The following URB1 variants were observed in gnomAD, a reference collection of about 807,000 sequenced individuals.
URB1 encodes the protein URB1 ribosome biogenesis factor, also known as nucleolar pre-ribosomal-associated protein 1.
Under a neutral mutation model 242.3 loss-of-function variants are expected in URB1, and 197 were observed. That is an observed-to-expected ratio of 0.81 (90% CI 0.72 to 0.91). The LOEUF (loss-of-function observed/expected upper bound fraction) is 0.91. Among genes scored for constraint, URB1 ranks in the 40% least tolerant of loss-of-function variants. URB1 has a pLI of 0.00. For synonymous variants in URB1, 1,153 were observed against 1,201.8 expected, an observed-to-expected ratio of 0.96 and a Z score of 0.84; for missense variants, 2,721 against 2,860.5, an observed-to-expected ratio of 0.95 and a Z score of 1.11.
In URB1 at chr21:32,311,628, T is replaced by C. The variant is rs2032574426; in HGVS notation, c.*3290A>G. 1 of 1,594,308 alleles carries C rather than the reference T, an allele frequency of 6.3e-7. No individual in the cohort carries two copies. Among genetic ancestry groups the C allele is most frequent in the African/African-American group, 1.3e-5 (1 of 74,724 alleles). Reference sequence around the variant, plus strand: ...GGCAGGAAACCCCCCAGCCCCACAGTATGGACTGTTCTGCAGCAACTATGA... The same window carrying C: ...GGCAGGAAACCCCCCAGCCCCACAGCATGGACTGTTCTGCAGCAACTATGA... On this transcript the variant is annotated 3_prime_UTR_variant, in exon 39 of 39. Transcript: ENST00000382751.
At chr21:32,333,503 G>A in intron 29 of URB1, 84 bp from the exon 30 acceptor site, 1 of 1,078,178 alleles carries the variant, frequency 9.3e-7, no homozygotes, top group East Asian at 2.6e-5. Context: ...TGAAACACCT[G>A]GGATCAGAAA....
At chr21:32,315,274 T>C (rs1017656756) in intron 38 of URB1, among the ~76,000 whole-genome samples, 175 bp from the exon 39 acceptor site, 2 of 151,754 alleles carry the variant, frequency 1.3e-5, no homozygotes, top group Non-Finnish European at 2.9e-5. Flanking sequence ...TGCTTAACTT[T>C]TGTGTTAATC....
chr21:32,316,109 GCA>G (rs1169221213), intron 38 of URB1, among the ~76,000 whole-genome samples: 2 of 152,234 alleles, frequency 1.3e-5, no homozygotes, highest in African/African-American at 4.8e-5. Context: ...GCACGCACGC[GCA>G]CACACAGCTG....
In URB1 at chr21:32,320,612, G is replaced by A. The variant is rs1448818205; in HGVS notation, c.5513C>T (p.Ala1838Val). Reference protein sequence around the residue: ...QNWILEILQNAAQVARSAYEI... With the variant: ...QNWILEILQNVAQVARSAYEI... ...ATACGCAGATCTGGCAACCTGGGCA[G>A]CATTCTGTAGAATTTCCAGAATCCA... Residue 1838 changes from alanine (A) to valine (V), a missense_variant, in exon 35 of 39, where the codon GCT becomes GTT. Physicochemically the swap from Ala to Val is moderately conservative, Grantham distance 64. Transcript: ENST00000382751. The A allele has an allele frequency of 5.8e-6, 9 of 1,551,714 alleles. No homozygotes were observed. The highest frequency in any genetic ancestry group is 7.8e-6 in the Non-Finnish European group (9 of 1,146,966).
intron 13 of URB1, among the ~76,000 whole-genome samples, chr21:32,360,526 A>T (rs767588340): frequency 3.0e-4 from 45 of 152,230 alleles, no homozygotes; most frequent in Non-Finnish European, 3.8e-4. Flanking sequence ...TATAAAGTGG[A>T]TCAGACAAAC....
intron 16 of URB1, among the ~76,000 whole-genome samples, chr21:32,355,217 AT>A (rs1338333721): frequency 6.6e-6 from 1 of 152,188 alleles, no homozygotes; most frequent in Non-Finnish European, 1.5e-5. Flanking sequence ...TGGTTTACCT[AT>A]TCCCCTATGC....
At chr21:32,379,868 T>C (rs1243650291) in intron 4 of URB1, among the ~76,000 whole-genome samples, 1 of 151,826 alleles carries the variant, frequency 6.6e-6, no homozygotes, top group Non-Finnish European at 1.5e-5. Context: ...TAGGCGCCTA[T>C]AATCCCAGCT....
At chr21:32,376,056 G>T (rs1475747865) in intron 5 of URB1, among the ~76,000 whole-genome samples, 6 of 152,186 alleles carry the variant, frequency 3.9e-5, no homozygotes, top group African/African-American at 1.4e-4. Flanking sequence ...AGTTCAGTAG[G>T]TCTTTAGTTC....
In URB1 at chr21:32,314,511, C is replaced by A; in HGVS notation, c.*407G>T. On this transcript the variant is annotated 3_prime_UTR_variant, in exon 39 of 39. Transcript: ENST00000382751. ...AAAATAAACTTTAAACATCTCTCTT[C>A]GTTTTCATAAAAAAAATCTGATACC... is the stretch of plus-strand genomic sequence containing the variant. The A allele has an allele frequency of 6.4e-7, 1 of 1,573,000 alleles. No individual in the cohort carries two copies. Among genetic ancestry groups the A allele is most frequent in the Non-Finnish European group, 8.8e-7 (1 of 1,142,728 alleles).
rs866908299 is a variant in URB1 at position 32,319,386 on chromosome 21, C to T, written c.5623G>A (p.Val1875Met). ...KFLETPLLSN[V>M]ISLLHTLWVT... is the part of the protein sequence containing the mutation. ...CACAGTGTGTGTAGCAAGGAGATCACATTAGACAGCAGCGGAGTCTCCAGA... is the reference window on the plus strand; with the variant it reads ...CACAGTGTGTGTAGCAAGGAGATCATATTAGACAGCAGCGGAGTCTCCAGA... Residue 1875 changes from valine (V) to methionine (M), a missense_variant, in exon 36 of 39, where the codon GTG (valine) becomes ATG (methionine). Coordinates refer to ENST00000382751, the MANE Select transcript of URB1 (RefSeq NM_014825.3). 55 of 1,538,364 alleles carry T rather than the reference C, an allele frequency of 3.6e-5. 1 individual carries two copies. Among genetic ancestry groups the T allele is most frequent in the Non-Finnish European group, 4.7e-5 (54 of 1,141,954 alleles).
chr21:32,330,447 T>G (rs1005222656), intron 30 of URB1, among the ~76,000 whole-genome samples: 1 of 151,716 alleles, frequency 6.6e-6, no homozygotes, highest in Non-Finnish European at 1.5e-5. Flanking sequence ...GAAAGACCAT[T>G]TACTAATGAC....
In URB1 at chr21:32,373,774, T is replaced by A; in HGVS notation, c.751-2A>T. ...TGTGATATTTTTATTGTGAACTACC[T>A]GAAACAATAATAAAACAAATTATTA... is the stretch of plus-strand genomic sequence containing the variant. On this transcript the variant is annotated splice_acceptor_variant, in intron 6 of 38. Coordinates refer to ENST00000382751, the MANE Select transcript of URB1 (RefSeq NM_014825.3). LOFTEE classifies it high-confidence loss of function. 3 of 1,514,816 alleles carry A rather than the reference T, an allele frequency of 2.0e-6. No individual in the cohort carries two copies. Among genetic ancestry groups the A allele is most frequent in the Non-Finnish European group, 2.6e-6 (3 of 1,136,134 alleles). 93.8% of individuals were successfully genotyped at this position (1,514,816 alleles called of 1,614,324 possible).
chr21:32,361,444 G>A (rs777420951), intron 12 of URB1, among the ~76,000 whole-genome samples: 3 of 152,174 alleles, frequency 2.0e-5, no homozygotes, highest in African/African-American at 2.4e-5. Flanking sequence ...CTGTGCTTTC[G>A]TGTCTTCATC....
chr21:32,344,643 C>A lies in URB1; in HGVS notation c.4184G>T (p.Ser1395Ile). ...ATTATCATCATCTTGCTGTCCACCA[C>A]TGAAAGACACGATCAGCCACTTCAC... ...SCVKWLIVSF[S>I]GGQQDDDNTQ... is the part of the protein sequence containing the mutation. Residue 1395 changes from serine (S) to isoleucine (I), a missense_variant, in exon 24 of 39, where the codon AGT becomes ATT. Coordinates refer to ENST00000382751, the MANE Select transcript of URB1 (RefSeq NM_014825.3). 1 of 1,552,388 alleles carries A rather than the reference C, an allele frequency of 6.4e-7. No homozygotes were observed. Among genetic ancestry groups the A allele is most frequent in the Non-Finnish European group, 8.7e-7 (1 of 1,147,160 alleles).
intron 7 of URB1, among the ~76,000 whole-genome samples, chr21:32,373,288 A>C (rs2033425130): frequency 6.6e-6 from 1 of 152,136 alleles, no homozygotes; most frequent in Non-Finnish European, 1.5e-5. Flanking sequence ...AACTCCAACA[A>C]CTGGACATGA....
At chr21:32,368,638 T>G in intron 8 of URB1, 40 bp from the exon 9 acceptor site, 1 of 1,512,002 alleles carries the variant, frequency 6.6e-7, no homozygotes, top group South Asian at 1.3e-5. Context: ...CAGCAGAAAA[T>G]GGTCAAAGCA....
chr21:32,361,070 A>G lies in URB1; in HGVS notation c.1693T>C (p.Tyr565His). The change falls in exon 13 of 39, where the codon TAC (tyrosine) becomes CAC (histidine). Residue 565 changes from tyrosine (Y) to histidine (H), a missense_variant. By Grantham distance (83) the Tyr-to-His change is moderately conservative (BLOSUM62 2). Transcript: ENST00000382751. ...ACCACGTGGGGGACCACCTTCTGGT[A>G]GAGGCATATGACCTGGAGCAAAACA... ...KAVLLQVICL[Y>H]QKVVPHVVMQ... is the part of the protein sequence containing the mutation. The G allele has an allele frequency of 6.4e-7, 1 of 1,551,390 alleles. No individual in the cohort carries two copies. Among genetic ancestry groups the G allele is most frequent in the Non-Finnish European group, 8.7e-7 (1 of 1,146,900 alleles).
chr21:32,334,278 C>T lies in URB1; in HGVS notation c.4742G>A (p.Gly1581Asp). 3 of 1,551,592 alleles carry T rather than the reference C, an allele frequency of 1.9e-6. No individual in the cohort carries two copies. Among genetic ancestry groups the T allele is most frequent in the Non-Finnish European group, 2.6e-6 (3 of 1,146,966 alleles). ...VEHHKTCRSL[G>D]RSLWQQPSVG... ...ACTCGGCTGCTGCCACAGTGACCTG[C>T]CCAGGCTCCGGCACGTCTTGTGATG... The change falls in exon 29 of 39, where the codon GGC becomes GAC. Residue 1581 changes from glycine to aspartate, a missense_variant. Gly to Asp is a moderately conservative substitution (Grantham distance 94, BLOSUM62 -1). Transcript: ENST00000382751.
At chr21:32,358,531 C>A (rs552946963) in intron 14 of URB1, among the ~76,000 whole-genome samples, 15 of 152,286 alleles carry the variant, frequency 9.8e-5, no homozygotes, top group African/African-American at 3.1e-4. Flanking sequence ...CTCTACTGAG[C>A]CTGTGTGTCT....
Sources: allele counts gnomAD v4.1 joint callset (sites outside exome capture counted in the v4.1 genomes callset), GRCh38; gene constraint gnomAD v4.1.1; transcripts MANE v1.5; gene names NCBI Gene and HGNC (gene_info 2026-07-23, HGNC 2026-07-21).